The following OSR1 variants were observed in gnomAD, a reference collection of about 807,000 sequenced individuals.
OSR1 encodes the protein odd-skipped related transcription factor 1.
In OSR1, 3 loss-of-function variants were observed where a neutral mutation model predicts 15.7. The ratio of observed to expected loss-of-function variants is 0.19; its 90% CI spans 0.09 to 0.50. The LOEUF is 0.50. OSR1 is among the 20% of genes least tolerant of loss of function. OSR1 has a pLI of 0.97. For synonymous variants in OSR1, 166 were observed against 152.7 expected (o/e 1.09, Z -0.64); for missense variants, 271 against 351.1 (o/e 0.77, Z 1.82).
rs1455012565 is a variant in OSR1 at position 19,357,038 on chromosome 2, T to C, written c.-33+1303A>G. 6.6e-6 allele frequency: 1 copy of C among 152,064 alleles called. No homozygotes were observed. Among genetic ancestry groups the C allele is most frequent in the Non-Finnish European group, 1.5e-5 (1 of 68,014 alleles). The allele number at this position is 152,064 out of a possible 1,614,324, so 9.4% of individuals were successfully genotyped here. On this transcript the variant is annotated intron_variant, in intron 1 of 2. Transcript: ENST00000272223. The surrounding 1 kb of genome is among the most constrained non-coding windows in gnomAD (Gnocchi z 5.0). Reference sequence around the variant, plus strand: ...GTGGTGACAGGCGTCCGGACCCCCGTGAAGAGGACTGACCGGCACCGGATA... The same window carrying C: ...GTGGTGACAGGCGTCCGGACCCCCGCGAAGAGGACTGACCGGCACCGGATA...
At chr2:19,354,140 A>G (rs1664901353) in intron 1 of OSR1, 1 of 264,480 alleles carries the variant, frequency 3.8e-6, no homozygotes, top group Non-Finnish European at 7.2e-6. Flanking sequence ...AGAAAGGAAC[A>G]AGCAAAGGGA....
Position 19,353,719 on chromosome 2 carries a change from G to A in OSR1, c.87C>T (p.Gly29=). ...TNYSFLQAVN[G]LPTVPSDHLP... is the part of the protein sequence containing the mutation. The stretch of plus-strand genomic sequence containing the variant: ...GATGGTCCGAAGGCACTGTGGGCAG[G>A]CCGTTCACTGCCTGAAGGAAGGAGT... The change falls in exon 2 of 3, where the codon GGC becomes GGT. Residue 29 remains glycine (G), a synonymous_variant. Coordinates refer to ENST00000272223, the MANE Select transcript of OSR1 (RefSeq NM_145260.3). 1 of 1,614,110 alleles carries A rather than the reference G, an allele frequency of 6.2e-7. No homozygotes were observed. Among genetic ancestry groups the A allele is most frequent in the Non-Finnish European group, 8.5e-7 (1 of 1,179,994 alleles).
chr2:19,353,095 G>T, intron 2 of OSR1, 46 bp downstream of exon 2: 1 of 1,596,054 alleles, frequency 6.3e-7, no homozygotes, highest in Non-Finnish European at 8.6e-7. Context: ...AAGATGGTGA[G>T]GCCAGAGGCA....
chr2:19,350,061 C>A (rs1219965947), downstream of OSR1, among the ~76,000 whole-genome samples: 2 of 152,130 alleles, frequency 1.3e-5, no homozygotes, highest in African/African-American at 4.8e-5. Flanking sequence ...GGGCCGCGCG[C>A]GACCTTGTGA....
chr2:19,349,962 A>G (rs2103357470), downstream of OSR1, among the ~76,000 whole-genome samples: 1 of 152,268 alleles, frequency 6.6e-6, no homozygotes, highest in South Asian at 2.1e-4. Context: ...GCTTGGGCGC[A>G]GACCGTCTAC....
downstream of OSR1, among the ~76,000 whole-genome samples, chr2:19,351,314 C>T (rs1664834654): frequency 6.6e-6 from 1 of 152,066 alleles, no homozygotes; most frequent in South Asian, 2.1e-4. Context: ...GGGGCGGAGG[C>T]AGACCTAACC....
chr2:19,355,590 C>T (rs998596909), intron 1 of OSR1: 1 of 152,252 alleles, frequency 6.6e-6, no homozygotes, highest in Non-Finnish European at 1.5e-5. Context: ...GGAAAGAGGC[C>T]TTCCTGGGAA....
At chr2:19,346,958 G>A (rs572012229), downstream of OSR1, among the ~76,000 whole-genome samples, 9 of 152,268 alleles carry the variant, frequency 5.9e-5, no homozygotes, top group South Asian at 2.1e-4. Context: ...GGTGAGTAGC[G>A]CTCTGACATA....
chr2:19,353,860 G>T, intron 1 of OSR1, 23 bp from the exon 2 acceptor site: 1 of 1,529,938 alleles, frequency 6.5e-7, no homozygotes, highest in Non-Finnish European at 8.8e-7. Flanking sequence ...GAAGAAGGCA[G>T]GGGCGTGGAG....
Position 19,353,465 on chromosome 2 carries a change from T to C in OSR1, c.341A>G (p.Lys114Arg). Residue 114 changes from lysine to arginine, a missense_variant, in exon 2 of 3, where the codon AAG becomes AGG. Lys to Arg is a conservative substitution (Grantham distance 26, BLOSUM62 2). Around this residue, in one of 4 missense-constraint regions of OSR1, gnomAD observed 210 missense variants for 218.4 expected, o/e 0.96. Coordinates refer to ENST00000272223, the MANE Select transcript of OSR1 (RefSeq NM_145260.3). ...CAGGTTGGCAAAATCAAAGCGCGGC[T>C]TGGTCTTGAGCGCTGGAACGCTGCC... ...AGGSVPALKT[K>R]PRFDFANLAL... is the part of the protein sequence containing the mutation. The C allele has an allele frequency of 6.2e-7, 1 of 1,614,008 alleles. No homozygotes were observed. Among genetic ancestry groups the C allele is most frequent in the Non-Finnish European group, 8.5e-7 (1 of 1,179,868 alleles).
Position 19,353,155 on chromosome 2 carries a change from G to A in OSR1, c.651C>T (p.His217=). ...CAGTGCCGCACCTGTGGTCTCGCAGGTGGTCTTGCCTCCGGAAGGCTTTGT... is the reference window on the plus strand; with the variant it reads ...CAGTGCCGCACCTGTGGTCTCGCAGATGGTCTTGCCTCCGGAAGGCTTTGT... ...ICHKAFRRQD[H]LRDHRYIHSK... The change falls in exon 2 of 3, where the codon CAC becomes CAT. Residue 217 remains histidine, a synonymous_variant. Coordinates refer to ENST00000272223, the MANE Select transcript of OSR1 (RefSeq NM_145260.3). 1 of 1,613,728 alleles carries A rather than the reference G, an allele frequency of 6.2e-7. No homozygotes were observed. The highest frequency in any genetic ancestry group is 8.5e-7 in the Non-Finnish European group (1 of 1,179,596).
chr2:19,347,155 T>C (rs1444896589), downstream of OSR1, among the ~76,000 whole-genome samples: 1 of 152,194 alleles, frequency 6.6e-6, no homozygotes, highest in African/African-American at 2.4e-5. Flanking sequence ...TGGTATCTCC[T>C]GGGAATACAG....
chr2:19,351,679 C>G lies in OSR1; in HGVS notation c.*596G>C, dbSNP rs1349726712. 2 of 152,776 alleles carry G rather than the reference C, an allele frequency of 1.3e-5. No individual in the cohort carries two copies. Among genetic ancestry groups the G allele is most frequent in the African/African-American group, 2.4e-5 (1 of 41,464 alleles). The allele number at this position is 152,776 out of a possible 1,614,324, so 9.5% of individuals were successfully genotyped here. A position where few individuals can be genotyped will look rare whatever the true frequency, so the allele number is the denominator to read the frequency against. ...CCAGGCCCGAGGTCCCCGTCCCGCT[C>G]TCCTAGTCCCGGAGCCCACGGCCGC... On this transcript the variant is annotated 3_prime_UTR_variant, in exon 3 of 3. Transcript: ENST00000272223.
chr2:19,345,492 G>A, the OSR1 span, among the ~76,000 whole-genome samples: 1 of 152,020 alleles, frequency 6.6e-6, no homozygotes, highest in East Asian at 1.9e-4. Flanking sequence ...AAGGTGTAAG[G>A]AAGGGATCCA....
rs45535040 is a variant in OSR1, at chr2:19,353,809, G to A, written c.-4C>T. 3.1e-6 allele frequency: 5 copies of A among 1,605,774 alleles called. No homozygotes were observed. In the African/African-American group the frequency reaches 4.0e-5, roughly 13 times the overall value. ...CCGGCAAGGTTTTGCTGCCCATTTCGGTAGTTGCAGTGGCTTCTCAATCCG... is the reference window on the plus strand; with the variant it reads ...CCGGCAAGGTTTTGCTGCCCATTTCAGTAGTTGCAGTGGCTTCTCAATCCG... On this transcript the variant is annotated 5_prime_UTR_variant, in exon 2 of 3. Transcript: ENST00000272223.
chr2:19,352,566 T>C (rs929305793), intron 2 of OSR1, among the ~76,000 whole-genome samples, 156 bp from the exon 3 acceptor site: 2 of 152,042 alleles, frequency 1.3e-5, no homozygotes, highest in Admixed American at 6.5e-5. Context: ...TAATTGGGGA[T>C]GGAGTGGGGA....
Position 19,353,119 on chromosome 2 carries a change from TGCG to T in OSR1, c.665+19_665+21del. On this transcript the variant is annotated intron_variant, in intron 2 of 2. Coordinates refer to ENST00000272223, the MANE Select transcript of OSR1 (RefSeq NM_145260.3). ...AGGCCAGAGGCAGAGAGCTCTCTCT[TGCG>T]CCACCCGCAGTGCCGCACCTGTGGT... 6.2e-7 allele frequency: 1 copy of T among 1,610,684 alleles called. No homozygotes were observed. Among genetic ancestry groups the T allele is most frequent in the East Asian group, 2.2e-5 (1 of 44,816 alleles).
downstream of OSR1, chr2:19,346,660 C>G (rs1169886024): frequency 6.6e-6 from 1 of 152,582 alleles, no homozygotes; most frequent in Non-Finnish European, 1.5e-5. Context: ...CCTTGCTACT[C>G]AGGAGGCTGA....
the OSR1 span, among the ~76,000 whole-genome samples, chr2:19,346,024 C>T: frequency 6.6e-6 from 1 of 152,202 alleles, no homozygotes; most frequent in Non-Finnish European, 1.5e-5. Context: ...AGTTTATCAT[C>T]TCATGCAACT....
Sources: gnomAD v4.1 joint callset for allele counts (sites outside exome capture counted in the v4.1 genomes callset) on GRCh38, gnomAD v4.1.1 for gene constraint, gnomAD v4.1.1 regional missense constraint, Gnocchi (gnomAD v3.1) non-coding constraint, MANE v1.5 for transcripts, NCBI Gene and HGNC (gene_info 2026-07-23, HGNC 2026-07-21) for gene names.